The following ITSN2 variants were observed in gnomAD, a reference collection of about 807,000 sequenced individuals.
ITSN2 encodes intersectin-2.
Under a neutral mutation model 243.7 loss-of-function variants are expected in ITSN2, and 156 were observed. The ratio of observed to expected loss-of-function variants is 0.64; its 90% CI spans 0.56 to 0.73. The LOEUF (loss-of-function observed/expected upper bound fraction) is 0.73. Ranked by LOEUF, ITSN2 falls within the 30% of genes least tolerant of loss-of-function variation. The probability of loss-of-function intolerance (pLI) is 0.00; values close to 1 mark genes in which losing one functional copy is unlikely to be tolerated. For missense variants in ITSN2, 1,801 were observed against 1,996.1 expected (o/e 0.90, Z 1.86); for synonymous variants, 703 against 699.9 (o/e 1.00, Z -0.07).
chr2:24,300,461 T>C (rs1681574408), intron 11 of ITSN2, among the ~76,000 whole-genome samples: 1 of 152,246 alleles, frequency 6.6e-6, no homozygotes, highest in Non-Finnish European at 1.5e-5. Context: ...CTCATGCCTG[T>C]AATCCCAACA....
intron 1 of ITSN2, among the ~76,000 whole-genome samples, chr2:24,353,697 A>C (rs1688211774): frequency 6.6e-6 from 1 of 152,224 alleles, no homozygotes; most frequent in Admixed American, 6.5e-5. Context: ...ATCACTCTTC[A>C]GAAGGCACTG....
At chr2:24,354,142 G>T (rs1250277816) in intron 1 of ITSN2, among the ~76,000 whole-genome samples, 1 of 152,194 alleles carries the variant, frequency 6.6e-6, no homozygotes, top group Non-Finnish European at 1.5e-5. Flanking sequence ...TGTTATCATG[G>T]TTACCTCATT....
Position 24,285,574 on chromosome 2 carries a change from A to G in ITSN2, c.1863+638T>C, listed in dbSNP as rs150564876. The stretch of plus-strand genomic sequence containing the variant: ...TAACTGAGACTATTCCCAAATTTAC[A>G]TTCTATGCCATGAGCCTGGGTTTTT... On this transcript the variant is annotated intron_variant, in intron 16 of 39. Coordinates refer to ENST00000355123, the MANE Select transcript of ITSN2 (RefSeq NM_006277.3). Among the ~76,000 whole-genome samples, 15 of 152,368 alleles carry G rather than the reference A, an allele frequency of 9.8e-5. No individual in the cohort carries two copies. The South Asian group carries it at 1.0e-3, about 11-fold the overall frequency.
Position 24,220,980 on chromosome 2 carries a change from CT to C in ITSN2, c.3663del (p.Glu1222SerfsTer31). ...QGYIHELIQT[E>X]ERYMADLQLV... ...AGCTGAAGGTCAGCCATGTACCGCT[CT>C]TCGGTCTGAATCAGCTCATGAATAT... On this transcript the variant is annotated frameshift_variant, in exon 30 of 40. Coordinates refer to ENST00000355123, the MANE Select transcript of ITSN2 (RefSeq NM_006277.3). LOFTEE classifies it high-confidence loss of function. 6.2e-7 allele frequency: 1 copy of C among 1,609,712 alleles called. No individual in the cohort carries two copies. The highest frequency in any genetic ancestry group is 8.5e-7 in the Non-Finnish European group (1 of 1,178,464).
chr2:24,230,204 G>A (rs1671443181), intron 29 of ITSN2, among the ~76,000 whole-genome samples: 1 of 152,136 alleles, frequency 6.6e-6, no homozygotes, highest in Non-Finnish European at 1.5e-5. Flanking sequence ...CCACCTCAGT[G>A]GATGGCAATA....
At chr2:24,332,207 A>G (rs1685871495) in intron 1 of ITSN2, among the ~76,000 whole-genome samples, 1 of 152,112 alleles carries the variant, frequency 6.6e-6, no homozygotes, top group Admixed American at 6.6e-5. Flanking sequence ...AGGCCATTGC[A>G]CTCCAGCATG....
At chr2:24,287,266 G>C (rs549670376) in intron 15 of ITSN2, among the ~76,000 whole-genome samples, 6 of 152,172 alleles carry the variant, frequency 3.9e-5, no homozygotes, top group Admixed American at 3.9e-4. Flanking sequence ...TTGCTCCATA[G>C]TAGTTTACAT....
At chr2:24,291,355 C>T (rs1158202572) in intron 15 of ITSN2, among the ~76,000 whole-genome samples, 1 of 152,180 alleles carries the variant, frequency 6.6e-6, no homozygotes, top group Admixed American at 6.5e-5. Flanking sequence ...TCTCAAACTC[C>T]TGGCTTCAAG....
intron 17 of ITSN2, among the ~76,000 whole-genome samples, chr2:24,276,070 T>G (rs1181314768): frequency 6.6e-6 from 1 of 152,198 alleles, no homozygotes; most frequent in Non-Finnish European, 1.5e-5. Flanking sequence ...TACTTTTCCA[T>G]CAGTTCATTT....
chr2:24,236,659 CTG>C (rs1353941598), intron 29 of ITSN2, among the ~76,000 whole-genome samples: 3 of 126,774 alleles, frequency 2.4e-5, no homozygotes, highest in East Asian at 2.4e-4. Context: ...CTGATTTTTC[CTG>C]TGTTTTTTTT....
intron 29 of ITSN2, among the ~76,000 whole-genome samples, chr2:24,244,632 T>C (rs1279435936): frequency 6.6e-6 from 1 of 152,170 alleles, no homozygotes; most frequent in Non-Finnish European, 1.5e-5. Context: ...ATGCCACAGC[T>C]AGTTAGATAA....
At chr2:24,352,744 AGAT>A (rs1022673684) in intron 1 of ITSN2, among the ~76,000 whole-genome samples, 1 of 152,230 alleles carries the variant, frequency 6.6e-6, no homozygotes, top group Non-Finnish European at 1.5e-5. Context: ...ATTCTATTGA[AGAT>A]TTAAATCAAA....
At chr2:24,277,781 T>C (rs1383806172) in intron 17 of ITSN2, among the ~76,000 whole-genome samples, 1 of 152,130 alleles carries the variant, frequency 6.6e-6, no homozygotes, top group Admixed American at 6.5e-5. Context: ...AGAGGGAAAA[T>C]TGTCTTGTGC....
chr2:24,243,320 A>T (rs1009304771), intron 29 of ITSN2, among the ~76,000 whole-genome samples: 1 of 152,226 alleles, frequency 6.6e-6, no homozygotes, highest in Non-Finnish European at 1.5e-5. Flanking sequence ...TAGACACTCA[A>T]GTAATACCAA....
chr2:24,346,614 G>A (rs1687554041), intron 1 of ITSN2, among the ~76,000 whole-genome samples: 2 of 152,090 alleles, frequency 1.3e-5, no homozygotes, highest in African/African-American at 4.8e-5. Context: ...CCTAACATAT[G>A]TACCATACTG....
chr2:24,318,520 T>A (rs559810320), intron 2 of ITSN2, among the ~76,000 whole-genome samples: 1 of 152,208 alleles, frequency 6.6e-6, no homozygotes, highest in South Asian at 2.1e-4. Context: ...TTCCATCACC[T>A]CCTCCTGGTC....
intron 2 of ITSN2, 152 bp downstream of exon 2, chr2:24,327,900 G>A (rs1453388899): frequency 1.6e-6 from 1 of 616,498 alleles, no homozygotes; most frequent in Non-Finnish European, 2.8e-6. Flanking sequence ...TCTTACAGAA[G>A]ACATATGCAG....
intron 27 of ITSN2, among the ~76,000 whole-genome samples, chr2:24,247,383 A>AT (rs755843672): frequency 2.0e-5 from 3 of 152,286 alleles, no homozygotes; most frequent in South Asian, 4.1e-4. Flanking sequence ...ACTCTGCCCC[A>AT]TGTGTCTCTT....
intron 1 of ITSN2, chr2:24,330,625 C>T (rs1685674197): frequency 1.4e-5 from 11 of 760,742 alleles, no homozygotes; most frequent in Admixed American, 1.4e-4. Flanking sequence ...AATGGAGATG[C>T]TAAAACAGAC....
Sources: allele counts gnomAD v4.1 joint callset (sites outside exome capture counted in the v4.1 genomes callset), GRCh38; gene constraint gnomAD v4.1.1; transcripts MANE v1.5; gene names NCBI Gene and HGNC (gene_info 2026-07-23, HGNC 2026-07-21).